The following NOS3 variants were observed in gnomAD, a reference collection of about 807,000 sequenced individuals.
NOS3 encodes NOS type III.
In NOS3, 98 loss-of-function variants were observed where a neutral mutation model predicts 144.9. That is an observed-to-expected ratio of 0.68 (90% CI 0.57 to 0.80). NOS3 has a LOEUF of 0.80. Among genes scored for constraint, NOS3 ranks in the 30% least tolerant of loss-of-function variants. NOS3 has a pLI of 0.00. For missense variants in NOS3, 1,465 were observed against 1,656.4 expected, an observed-to-expected ratio of 0.88 and a Z score of 2.01; for synonymous variants, 714 against 702.4, an observed-to-expected ratio of 1.02 and a Z score of -0.26.
rs1795287445 is a variant in NOS3 at position 151,010,787 on chromosome 7, T to G, written c.2876T>G (p.Val959Gly). Residue 959 changes from valine (V) to glycine (G), a missense_variant, in exon 22 of 27, where the codon GTG becomes GGG. Val to Gly is a moderately radical substitution (Grantham distance 109). Coordinates refer to ENST00000297494, the MANE Select transcript of NOS3 (RefSeq NM_000603.5). ...HPGEIHLTVA[V>G]LAYRTQDGLG... ...GGAGAGATCCACCTCACTGTAGCTG[T>G]GCTGGCATACAGGACTCAGGGTGAG... 1 of 1,612,468 alleles carries G rather than the reference T, an allele frequency of 6.2e-7. No individual in the cohort carries two copies. Among genetic ancestry groups the G allele is most frequent in the African/African-American group, 1.3e-5 (1 of 74,858 alleles).
At chr7:151,012,590 A>T (rs1427728688) in intron 24 of NOS3, 118 bp downstream of exon 24, 9 of 1,302,428 alleles carry the variant, frequency 6.9e-6, no homozygotes, top group Non-Finnish European at 8.4e-6. Flanking sequence ...CACAAAGCTG[A>T]AAAGACGCTC....
chr7:150,999,466 C>A, intron 9 of NOS3, 102 bp downstream of exon 9: 2 of 1,308,766 alleles, frequency 1.5e-6, no homozygotes, highest in Non-Finnish European at 2.1e-6. Context: ...ACAATCAGAG[C>A]AGGTCCAGGG....
chr7:150,994,108 C>T, intron 2 of NOS3, 147 bp downstream of exon 2: 3 of 891,240 alleles, frequency 3.4e-6, no homozygotes, highest in Non-Finnish European at 5.1e-6. Flanking sequence ...TAGAACAGGA[C>T]AGTCTGGGAG....
At chr7:151,000,158 T>G (rs1265195525) in intron 9 of NOS3, among the ~76,000 whole-genome samples, 1 of 151,044 alleles carries the variant, frequency 6.6e-6, no homozygotes, top group Non-Finnish European at 1.5e-5. Context: ...GGCATGGGGA[T>G]GGGTGTGAAC....
rs748705922 is a variant in NOS3 at position 151,003,699 on chromosome 7, C to T, written c.1752+1395C>T. 13 of 571,602 alleles carry T rather than the reference C, an allele frequency of 2.3e-5. No individual in the cohort carries two copies. Among genetic ancestry groups the T allele is most frequent in the African/African-American group, 1.7e-4 (9 of 51,630 alleles). 35.4% of individuals were successfully genotyped at this position (571,602 alleles called of 1,614,324 possible). ...AGTGTCTGTCACCACAGAATAGTTTCGCCTGCTCTAGAACGGCACCTAGAT... is the reference window on the plus strand; with the variant it reads ...AGTGTCTGTCACCACAGAATAGTTTTGCCTGCTCTAGAACGGCACCTAGAT... On this transcript the variant is annotated intron_variant, in intron 14 of 26. Transcript: ENST00000297494. The surrounding 1 kb of genome is among the most constrained non-coding windows in gnomAD (Gnocchi z 4.1).
chr7:151,010,227 G>A lies in NOS3; in HGVS notation c.2625G>A (p.Arg875=), dbSNP rs1305003558. ...ITSPPSPQLL[R]LLSTLAEEPR... ...CCCCACCCAGCCCTCAGCTCTTGCG[G>A]CTGCTCAGCACCTTGGCAGAAGAGC... Residue 875 remains arginine, a synonymous_variant, in exon 21 of 27, where the codon CGG becomes CGA. Transcript: ENST00000297494. 2 of 1,612,852 alleles carry A rather than the reference G, an allele frequency of 1.2e-6. No homozygotes were observed. The highest frequency in any genetic ancestry group is 1.7e-5 in the Admixed American group (1 of 60,024).
In NOS3 at chr7:150,995,293, C is replaced by G; in HGVS notation, c.249C>G (p.Thr83=). 1 of 1,610,894 alleles carries G rather than the reference C, an allele frequency of 6.2e-7. No homozygotes were observed. The change falls in exon 3 of 27, where the codon ACC becomes ACG. Residue 83 remains threonine, a synonymous_variant. Transcript: ENST00000297494. ...NWEVGSITYD[T]LSAQAQQDGP... The stretch of plus-strand genomic sequence containing the variant: ...AGGTGGGGAGCATCACCTATGACAC[C>G]CTCAGCGCCCAGGCGCAGCAGGTAA...
At position 151,009,533 on chromosome 7, in the gene NOS3, G is replaced by A. The variant is rs137919476; in HGVS notation, c.2460G>A (p.Pro820=). The change falls in exon 20 of 27, where the codon CCG becomes CCA. Residue 820 remains proline, a synonymous_variant. Transcript: ENST00000297494. ...VEALLSRVED[P]PAPTEPVAVE... The stretch of plus-strand genomic sequence containing the variant: ...CGCTGCTGAGCCGCGTGGAGGACCC[G>A]CCGGCGCCCACTGAGCCCGTGGCAG... 11,401 of 1,545,230 alleles carry A rather than the reference G, an allele frequency of 7.4e-3. 64 individuals are homozygous for A. The highest frequency in any genetic ancestry group is 8.8e-3 in the Non-Finnish European group (10,087 of 1,145,828).
At position 150,998,048 on chromosome 7, in the gene NOS3, A is replaced by G. The variant is rs982515441; in HGVS notation, c.583-309A>G. 4.6e-5 allele frequency among the ~76,000 whole-genome samples: 7 copies of G among 152,200 alleles called. No homozygotes were observed. Among genetic ancestry groups the G allele is most frequent in the African/African-American group, 1.7e-4 (7 of 41,462 alleles). On this transcript the variant is annotated intron_variant, in intron 5 of 26. Coordinates refer to ENST00000297494, the MANE Select transcript of NOS3 (RefSeq NM_000603.5). This position sits in a 1 kb window ranked among gnomAD's most constrained non-coding sequence, Gnocchi z 5.0. Reference sequence around the variant, plus strand: ...CACACTCCTAGGCGGCCTCTTAGACATCCGTTGGTGCCTAACCCAAGCATC... The same window carrying G: ...CACACTCCTAGGCGGCCTCTTAGACGTCCGTTGGTGCCTAACCCAAGCATC...
Position 151,002,584 on chromosome 7 carries a change from C to T in NOS3, c.1752+280C>T, listed in dbSNP as rs141306332. ...TTAACTGCGCGTCCCCAAGTCATTT[C>T]CATTATCAGTGCAAGTTTTTAATAC... On this transcript the variant is annotated intron_variant, in intron 14 of 26. Transcript: ENST00000297494. The surrounding 1 kb of genome is among the most constrained non-coding windows in gnomAD (Gnocchi z 4.1). 7.9e-4 allele frequency among the ~76,000 whole-genome samples: 120 copies of T among 152,294 alleles called. No homozygotes were observed. Among genetic ancestry groups the T allele is most frequent in the African/African-American group, 2.6e-3 (107 of 41,566 alleles).
chr7:151,013,509 C>A (rs771810010), intron 25 of NOS3, 130 bp downstream of exon 25: 23 of 1,251,560 alleles, frequency 1.8e-5, no homozygotes, highest in Non-Finnish European at 2.4e-5. Flanking sequence ...CCCCTGCACA[C>A]TCTGGCCCAC....
chr7:151,002,337 TGAG>T lies in NOS3; in HGVS notation c.1752+37_1752+39del. 2 of 1,179,502 alleles carry T rather than the reference TGAG, an allele frequency of 1.7e-6. No homozygotes were observed. The highest frequency in any genetic ancestry group is 2.4e-6 in the Non-Finnish European group (2 of 818,848). 73.1% of individuals were successfully genotyped at this position (1,179,502 alleles called of 1,614,324 possible). On this transcript the variant is annotated intron_variant, in intron 14 of 26. Transcript: ENST00000297494. The surrounding 1 kb of genome is among the most constrained non-coding windows in gnomAD (Gnocchi z 4.1). ...CTTCCAGGAAAGGGGCTGCTGGGAA[TGAG>T]GAGAGACTCAGAATTGGAGTGACTG...
At chr7:151,012,918 G>A (rs900934052) in intron 24 of NOS3, 2 of 417,134 alleles carry the variant, frequency 4.8e-6, no homozygotes, top group Admixed American at 4.2e-5. Context: ...AGAATATGAA[G>A]TGGGAGCGGG....
At chr7:151,013,549 T>TC in intron 25 of NOS3, 170 bp downstream of exon 25, 1 of 1,002,908 alleles carries the variant, frequency 1.0e-6, no homozygotes, top group Non-Finnish European at 1.4e-6. Flanking sequence ...TAGGCCCGCC[T>TC]CCTCCCGCCC....
chr7:151,010,175 C>T lies in NOS3; in HGVS notation c.2573C>T (p.Ala858Val). ...PRLPPCTLRQ[A>V]LTFFLDITSP... ...CTGCCCCCGTGCACGCTGCGCCAGG[C>T]TCTCACCTTCTTCCTGGACATCACC... The change falls in exon 21 of 27, where the codon GCT (alanine) becomes GTT (valine). Residue 858 changes from alanine to valine, a missense_variant. This residue lies in a region of NOS3 where 745 missense variants were observed against 853.9 expected (regional missense o/e 0.87). Transcript: ENST00000297494. 1 of 1,611,328 alleles carries T rather than the reference C, an allele frequency of 6.2e-7. No homozygotes were observed. Among genetic ancestry groups the T allele is most frequent in the South Asian group, 1.1e-5 (1 of 90,972 alleles).
In NOS3 at chr7:150,999,286, C is replaced by A; in HGVS notation, c.1053C>A (p.Ala351=). The change falls in exon 9 of 27, where the codon GCC becomes GCA. Residue 351 remains alanine (A), a synonymous_variant. Coordinates refer to ENST00000297494, the MANE Select transcript of NOS3 (RefSeq NM_000603.5). ...LEIGGLEFPA[A]PFSGWYMSTE... The stretch of plus-strand genomic sequence containing the variant: ...TTGGGGGCCTGGAGTTCCCCGCAGC[C>A]CCCTTCAGTGGCTGGTACATGAGCA... 1 of 1,612,062 alleles carries A rather than the reference C, an allele frequency of 6.2e-7. No homozygotes were observed. Among genetic ancestry groups the A allele is most frequent in the Middle Eastern group, 1.7e-4 (1 of 6,056 alleles).
At chr7:151,012,148 C>T in intron 23 of NOS3, 1 of 529,110 alleles carries the variant, frequency 1.9e-6, no homozygotes, top group South Asian at 2.7e-5. Context: ...CCAAAATGAA[C>T]TATATTTCCT....
At chr7:150,997,862 G>A (rs1014328608) in intron 5 of NOS3, among the ~76,000 whole-genome samples, 1 of 152,194 alleles carries the variant, frequency 6.6e-6, no homozygotes. Context: ...TCAGGCAGGA[G>A]TGGGACCTCC....
At chr7:150,999,499 G>A in intron 9 of NOS3, 135 bp downstream of exon 9, 1 of 950,538 alleles carries the variant, frequency 1.1e-6, no homozygotes, top group Non-Finnish European at 1.5e-6. Flanking sequence ...TGGGAACTGA[G>A]GACAAGCTCT....
Sources: gnomAD v4.1 joint callset for allele counts (sites outside exome capture counted in the v4.1 genomes callset) on GRCh38, gnomAD v4.1.1 for gene constraint, gnomAD v4.1.1 regional missense constraint, Gnocchi (gnomAD v3.1) non-coding constraint, MANE v1.5 for transcripts, NCBI Gene and HGNC (gene_info 2026-07-23, HGNC 2026-07-21) for gene names.